CUEDC2: variants seen among roughly 807,000 people sequenced by gnomAD.
The protein encoded by CUEDC2 is CUE domain-containing protein 2.
Under a neutral mutation model 36.0 loss-of-function variants are expected in CUEDC2, and 10 were observed. The observed-to-expected ratio is 0.28, with a 90% CI of 0.17 to 0.47. The LOEUF (loss-of-function observed/expected upper bound fraction) is 0.47. Ranked by LOEUF, CUEDC2 falls within the 20% of genes least tolerant of loss-of-function variation. The pLI is 0.99. For synonymous variants in CUEDC2, 133 were observed against 141.8 expected (o/e 0.94, Z 0.44); for missense variants, 269 against 368.1 (o/e 0.73, Z 2.20).
rs1471554447 is a variant in CUEDC2 at position 102,424,071 on chromosome 10, C to T, written c.519G>A (p.Gly173=). 6.8e-6 allele frequency: 11 copies of T among 1,614,164 alleles called. 1 individual carries two copies. The East Asian group carries it at 2.2e-4, about 33-fold the overall frequency. ...QAQWVLAKAR[G]DLEEAVQMLV... is the part of the protein sequence containing the mutation. ...GCATCTGCACAGCTTCTTCCAAGTC[C>T]CCCCGAGCTTTGGCCAGCACCCACT... Residue 173 remains glycine (G), a synonymous_variant, in exon 6 of 9, where the codon GGG becomes GGA. Coordinates refer to ENST00000369937, the MANE Select transcript of CUEDC2 (RefSeq NM_024040.3). This position sits in a 1 kb window ranked among gnomAD's most constrained non-coding sequence, Gnocchi z 4.2.
chr10:102,426,955 GC>G (rs1292879381), intron 1 of CUEDC2, among the ~76,000 whole-genome samples: 1 of 151,936 alleles, frequency 6.6e-6, no homozygotes, highest in African/African-American at 2.4e-5. Flanking sequence ...GAGTCACCGT[GC>G]CCGGCCTCAA....
Position 102,424,598 on chromosome 10 carries a change from A to T in CUEDC2, c.219-38T>A. 1 of 1,613,978 alleles carries T rather than the reference A, an allele frequency of 6.2e-7. No individual in the cohort carries two copies. Among genetic ancestry groups the T allele is most frequent in the Non-Finnish European group, 8.5e-7 (1 of 1,179,928 alleles). On this transcript the variant is annotated intron_variant, in intron 3 of 8. Transcript: ENST00000369937. This position sits in a 1 kb window ranked among gnomAD's most constrained non-coding sequence, Gnocchi z 4.2. ...GGGCAGTGAGAGGATGACTCTGCCC[A>T]CCCCATAATCAGCCAGCCCCTTCCT...
intron 1 of CUEDC2, among the ~76,000 whole-genome samples, chr10:102,428,480 G>A (rs939017068): frequency 5.9e-5 from 9 of 152,122 alleles, no homozygotes; most frequent in Non-Finnish European, 8.8e-5. Flanking sequence ...TAGCCAGCAC[G>A]GGCATTTTTC....
chr10:102,432,145 A>G (rs2061618809), intron 1 of CUEDC2, among the ~76,000 whole-genome samples: 1 of 152,184 alleles, frequency 6.6e-6, no homozygotes, highest in South Asian at 2.1e-4. Flanking sequence ...AGAGGCACCA[A>G]GGGCATTGAG....
intron 1 of CUEDC2, among the ~76,000 whole-genome samples, chr10:102,430,415 C>T (rs951603451): frequency 6.6e-6 from 1 of 152,156 alleles, no homozygotes; most frequent in African/African-American, 2.4e-5. Flanking sequence ...GTGATCTGCC[C>T]GCCTAGGCCT....
intron 1 of CUEDC2, among the ~76,000 whole-genome samples, chr10:102,427,764 C>A (rs2061602811): frequency 6.6e-6 from 1 of 152,106 alleles, no homozygotes; most frequent in African/African-American, 2.4e-5. Flanking sequence ...AAAATCACAT[C>A]TTTTCCTGCT....
chr10:102,425,208 C>T lies in CUEDC2; in HGVS notation c.-10-10G>A. The T allele has an allele frequency of 6.2e-7, 1 of 1,609,280 alleles. No individual in the cohort carries two copies. Among genetic ancestry groups the T allele is most frequent in the Non-Finnish European group, 8.5e-7 (1 of 1,176,184 alleles). ...CTCCATGCTCTCTCTTCTGAAGGGA[C>T]ACAGACAGGATGGCCAGGCCTTCTT... On this transcript the variant is annotated splice_polypyrimidine_tract_variant and intron_variant, in intron 1 of 8. Transcript: ENST00000369937.
At chr10:102,429,983 A>G (rs185754900) in intron 1 of CUEDC2, among the ~76,000 whole-genome samples, 1 of 150,900 alleles carries the variant, frequency 6.6e-6, no homozygotes, top group East Asian at 2.0e-4. Flanking sequence ...TATTTTTGGT[A>G]GAGACGGGGT....
Position 102,424,802 on chromosome 10 carries a change from G to A in CUEDC2, c.75-10C>T, listed in dbSNP as rs745535548. 1 of 1,612,520 alleles carries A rather than the reference G, an allele frequency of 6.2e-7. No homozygotes were observed. The highest frequency in any genetic ancestry group is 1.1e-5 in the South Asian group (1 of 91,042). On this transcript the variant is annotated splice_polypyrimidine_tract_variant and intron_variant, in intron 2 of 8. Coordinates refer to ENST00000369937, the MANE Select transcript of CUEDC2 (RefSeq NM_024040.3). This position sits in a 1 kb window ranked among gnomAD's most constrained non-coding sequence, Gnocchi z 4.2. ...GACCTCATCCAAGCCACTGCAGGAA[G>A]GGAACAGGACAAGCCCTGGGTAGGA...
chr10:102,426,228 A>G (rs990485157), intron 1 of CUEDC2, among the ~76,000 whole-genome samples: 8 of 152,224 alleles, frequency 5.3e-5, no homozygotes, highest in Middle Eastern at 6.8e-3. Flanking sequence ...ACCTGTTGAC[A>G]TGCTCCATTC....
At chr10:102,432,177 C>T (rs2061618941) in intron 1 of CUEDC2, among the ~76,000 whole-genome samples, 1 of 152,204 alleles carries the variant, frequency 6.6e-6, no homozygotes, top group Non-Finnish European at 1.5e-5. Context: ...ATCCCTGCAT[C>T]CAAAGTCAGG....
chr10:102,424,306 CTCT>C lies in CUEDC2; in HGVS notation c.366_368del (p.Glu123del). ...CAGCAGCAGCAGCCGAAGACCTAGT[CTCT>C]TCTTTGAGCATTTCGGGCCGCTGCA... On this transcript the variant is annotated inframe_deletion, in exon 5 of 9. Coordinates refer to ENST00000369937, the MANE Select transcript of CUEDC2 (RefSeq NM_024040.3). This position sits in a 1 kb window ranked among gnomAD's most constrained non-coding sequence, Gnocchi z 4.2. The C allele has an allele frequency of 1.5e-5, 24 of 1,614,200 alleles. No homozygotes were observed. The highest frequency in any genetic ancestry group is 2.2e-5 in the East Asian group (1 of 44,884).
chr10:102,424,436 G>T lies in CUEDC2; in HGVS notation c.281-42C>A. ...GAGCATCAGGTTTGCCAAGGCTCTG[G>T]GGAGCAGGCAGTTGGGGGAGCGGGA... On this transcript the variant is annotated intron_variant, in intron 4 of 8. Transcript: ENST00000369937. This position sits in a 1 kb window ranked among gnomAD's most constrained non-coding sequence, Gnocchi z 4.2. 1.2e-6 allele frequency: 2 copies of T among 1,614,072 alleles called. No homozygotes were observed. The highest frequency in any genetic ancestry group is 1.7e-6 in the Non-Finnish European group (2 of 1,179,964).
At chr10:102,429,569 G>A (rs2061609148) in intron 1 of CUEDC2, among the ~76,000 whole-genome samples, 1 of 149,868 alleles carries the variant, frequency 6.7e-6, no homozygotes. Flanking sequence ...TGGAAAGCAG[G>A]ACTGAGAAGC....
rs1346184174 is a variant in CUEDC2, at chr10:102,423,696, T to C, written c.678A>G (p.Ala226=). Residue 226 remains alanine (A), a synonymous_variant, in exon 8 of 9, where the codon GCA becomes GCG. Transcript: ENST00000369937. This position sits in a 1 kb window ranked among gnomAD's most constrained non-coding sequence, Gnocchi z 5.6. ...TGGGCCGGTGAATCTTCTGATCCTC[T>C]GCGCTATCCACCATCATGTACCTGT... is the stretch of plus-strand genomic sequence containing the variant. The part of the protein sequence containing the change: ...ILQKYMMVDS[A]EDQKIHRPMA... 2 of 1,614,106 alleles carry C rather than the reference T, an allele frequency of 1.2e-6. No homozygotes were observed. Among genetic ancestry groups the C allele is most frequent in the African/African-American group, 2.7e-5 (2 of 74,936 alleles).
intron 1 of CUEDC2, among the ~76,000 whole-genome samples, chr10:102,429,741 C>G (rs139747085): frequency 6.6e-6 from 1 of 150,564 alleles, no homozygotes. Flanking sequence ...ACATCACCCT[C>G]GAATCCTGGG....
rs1215103134 is a variant in CUEDC2 at position 102,423,821 on chromosome 10, C to T, written c.633G>A (p.Glu211=). ...ACTTCTGCAGGATGAAGGACTTCAG[C>T]TCATCCTTTTGGGGGCCTCTGAGGC... ...PRRLRGPQKD[E]LKSFILQKYM... The change falls in exon 7 of 9, where the codon GAG becomes GAA. Residue 211 remains glutamate, a synonymous_variant. Transcript: ENST00000369937. The surrounding 1 kb of genome is among the most constrained non-coding windows in gnomAD (Gnocchi z 5.6). 3 of 1,613,878 alleles carry T rather than the reference C, an allele frequency of 1.9e-6. No homozygotes were observed. Among genetic ancestry groups the T allele is most frequent in the Admixed American group, 3.3e-5 (2 of 60,012 alleles).
chr10:102,425,261 G>A lies in CUEDC2; in HGVS notation c.-10-63C>T. The A allele has an allele frequency of 3.2e-6, 4 of 1,236,340 alleles. No homozygotes were observed. In the South Asian group the frequency reaches 3.6e-5, roughly 11 times the overall value. The allele number at this position is 1,236,340 out of a possible 1,614,324, so 76.6% of individuals were successfully genotyped here. On this transcript the variant is annotated intron_variant, in intron 1 of 8. Transcript: ENST00000369937. ...GCCTGCCCCCACCCACTGGGCCTGG[G>A]GGCAGTGGCTCCTCCCTCCTGGCCT...
rs763333548 is a variant in CUEDC2, at chr10:102,425,206, G to A, written c.-10-8C>T. On this transcript the variant is annotated splice_region_variant and splice_polypyrimidine_tract_variant and intron_variant, in intron 1 of 8. Coordinates refer to ENST00000369937, the MANE Select transcript of CUEDC2 (RefSeq NM_024040.3). ...AGCTCCATGCTCTCTCTTCTGAAGGGACACAGACAGGATGGCCAGGCCTTC... is the reference window on the plus strand; with the variant it reads ...AGCTCCATGCTCTCTCTTCTGAAGGAACACAGACAGGATGGCCAGGCCTTC... The A allele has an allele frequency of 3.1e-6, 5 of 1,609,450 alleles. No individual in the cohort carries two copies. Among genetic ancestry groups the A allele is most frequent in the Non-Finnish European group, 1.7e-6 (2 of 1,176,332 alleles).
Sources: allele counts gnomAD v4.1 joint callset (sites outside exome capture counted in the v4.1 genomes callset), GRCh38; gene constraint gnomAD v4.1.1; non-coding constraint Gnocchi (gnomAD v3.1); transcripts MANE v1.5; gene names NCBI Gene and HGNC (gene_info 2026-07-23, HGNC 2026-07-21).